Variants in GCSAML observed in about 807,000 individuals in gnomAD.
The protein encoded by GCSAML is germinal center-associated signaling and motility-like protein.
In GCSAML, 9 loss-of-function variants were observed where a neutral mutation model predicts 13.0. That is an observed-to-expected ratio of 0.69 (90% CI 0.42 to 1.21). The LOEUF (loss-of-function observed/expected upper bound fraction) is 1.21, where lower values mean the gene tolerates loss of function less well. Ranked by LOEUF, GCSAML falls within the 50% of genes most tolerant of loss-of-function variation. The probability of loss-of-function intolerance (pLI) is 0.00; values close to 1 mark genes in which losing one functional copy is unlikely to be tolerated. For synonymous variants in GCSAML, 37 were observed against 52.9 expected (o/e 0.70, Z 1.31); for missense variants, 143 against 153.4 (o/e 0.93, Z 0.36).
chr1:247,520,774 G>T (rs1455024449), intron 1 of GCSAML, among the ~76,000 whole-genome samples: 1 of 152,120 alleles, frequency 6.6e-6, no homozygotes, highest in Non-Finnish European at 1.5e-5. Context: ...TTTCAGTTCA[G>T]ATTTCCTCAT....
chr1:247,575,932 G>A lies in GCSAML; in HGVS notation c.*1550G>A, dbSNP rs1002454873. On this transcript the variant is annotated 3_prime_UTR_variant, in exon 5 of 5. Transcript: ENST00000366488. ...GGAGACAAAAGCCTTAATTGACAATGCATTCATTATATATTTTTTTGTATA... is the reference window on the plus strand; with the variant it reads ...GGAGACAAAAGCCTTAATTGACAATACATTCATTATATATTTTTTTGTATA... 5 of 152,062 alleles carry A rather than the reference G, an allele frequency of 3.3e-5. No homozygotes were observed. The highest frequency in any genetic ancestry group is 1.3e-4 in the Admixed American group (2 of 15,260). The allele number at this position is 152,062 out of a possible 1,614,324, so 9.4% of individuals were successfully genotyped here.
At chr1:247,510,641 C>T (rs752072225) in intron 1 of GCSAML, among the ~76,000 whole-genome samples, 3 of 152,178 alleles carry the variant, frequency 2.0e-5, no homozygotes, top group Non-Finnish European at 4.4e-5. Flanking sequence ...GCATTTAGTG[C>T]TATAAATTTC....
chr1:247,544,430 A>G (rs982793433), upstream of GCSAML, among the ~76,000 whole-genome samples: 1 of 152,186 alleles, frequency 6.6e-6, no homozygotes, highest in Non-Finnish European at 1.5e-5. Flanking sequence ...CTCAGCTGTG[A>G]TATATTCAGG....
At chr1:247,555,857 A>T (rs1667929063) in intron 1 of GCSAML, among the ~76,000 whole-genome samples, 1 of 152,248 alleles carries the variant, frequency 6.6e-6, no homozygotes, top group Non-Finnish European at 1.5e-5. Context: ...TATCATAAAG[A>T]TGATGATAAT....
intron 1 of GCSAML, among the ~76,000 whole-genome samples, chr1:247,508,700 G>A (rs563842866): frequency 1.3e-5 from 2 of 152,144 alleles, no homozygotes; most frequent in Non-Finnish European, 2.9e-5. Context: ...AAAGTGTAAG[G>A]AAGGTGTCCA....
intron 2 of GCSAML, among the ~76,000 whole-genome samples, chr1:247,561,191 T>C (rs1458606428): frequency 3.3e-5 from 5 of 152,158 alleles, no homozygotes; most frequent in African/African-American, 4.8e-5. Context: ...TGGGCTCAAG[T>C]GATCCATCTG....
intron 1 of GCSAML, among the ~76,000 whole-genome samples, chr1:247,518,801 C>T (rs1239275565): frequency 6.6e-6 from 1 of 152,174 alleles, no homozygotes; most frequent in African/African-American, 2.4e-5. Flanking sequence ...CCAGCCTGGG[C>T]AATACAGCGA....
intron 1 of GCSAML, among the ~76,000 whole-genome samples, chr1:247,522,065 G>A (rs1352285696): frequency 2.0e-5 from 3 of 150,588 alleles, no homozygotes; most frequent in African/African-American, 7.4e-5. Context: ...GTCTCTGCCC[G>A]ACCGCCCCAT....
chr1:247,544,618 A>G (rs1425392969), upstream of GCSAML, among the ~76,000 whole-genome samples: 1 of 152,182 alleles, frequency 6.6e-6, no homozygotes, highest in African/African-American at 2.4e-5. Context: ...GGATCGCTTG[A>G]GCCCAGGAGT....
intron 1 of GCSAML, among the ~76,000 whole-genome samples, chr1:247,521,969 G>T (rs1666449921): frequency 6.6e-6 from 1 of 151,938 alleles, no homozygotes. Context: ...CGTCTGAGAT[G>T]TGGGGAGCGC....
chr1:247,577,424 T>C lies in GCSAML; in HGVS notation c.*3042T>C, dbSNP rs1361234775. On this transcript the variant is annotated 3_prime_UTR_variant, in exon 5 of 5. Coordinates refer to ENST00000366488, the MANE Select transcript of GCSAML (RefSeq NM_145278.5). Reference sequence around the variant, plus strand: ...GCAACCAATGATCTGCTTCGTATAATTATAACTGTTCTAGATATTTGTAGC... The same window carrying C: ...GCAACCAATGATCTGCTTCGTATAACTATAACTGTTCTAGATATTTGTAGC... 6.6e-6 allele frequency: 1 copy of C among 152,236 alleles called. No individual in the cohort carries two copies. The highest frequency in any genetic ancestry group is 1.5e-5 in the Non-Finnish European group (1 of 68,038). 9.4% of individuals were successfully genotyped at this position (152,236 alleles called of 1,614,324 possible).
intron 1 of GCSAML, among the ~76,000 whole-genome samples, chr1:247,522,624 T>C (rs1022687322): frequency 2.0e-5 from 3 of 152,158 alleles, no homozygotes; most frequent in African/African-American, 7.2e-5. Context: ...CCCAACCCCA[T>C]GCTCTCTGAA....
chr1:247,566,045 AT>A, intron 4 of GCSAML, 86 bp downstream of exon 4: 1 of 839,644 alleles, frequency 1.2e-6, no homozygotes, highest in South Asian at 1.9e-5. Flanking sequence ...CAGATGATTT[AT>A]TCAAGAGTAG....
At chr1:247,573,235 G>C (rs1254431430) in intron 4 of GCSAML, among the ~76,000 whole-genome samples, 2 of 152,190 alleles carry the variant, frequency 1.3e-5, no homozygotes, top group Non-Finnish European at 2.9e-5. Context: ...AACTCCTGCA[G>C]CTAGCTTGGT....
intron 1 of GCSAML, among the ~76,000 whole-genome samples, chr1:247,521,993 C>T (rs1472081243): frequency 6.6e-6 from 1 of 151,922 alleles, no homozygotes; most frequent in Non-Finnish European, 1.5e-5. Context: ...TGCCCCGCTG[C>T]CCCGTCTGGG....
upstream of GCSAML, among the ~76,000 whole-genome samples, chr1:247,547,055 A>G (rs1468448686): frequency 5.3e-5 from 8 of 152,088 alleles, no homozygotes; most frequent in African/African-American, 1.9e-4. Flanking sequence ...CTGAGCCCTG[A>G]TCATGCCATT....
chr1:247,545,592 C>G (rs931681187), upstream of GCSAML, among the ~76,000 whole-genome samples: 1 of 152,106 alleles, frequency 6.6e-6, no homozygotes, highest in Non-Finnish European at 1.5e-5. Context: ...TATGAGAGCC[C>G]TCATCGTGGT....
intron 1 of GCSAML, among the ~76,000 whole-genome samples, chr1:247,508,128 C>G (rs1665893408): frequency 6.6e-6 from 1 of 152,092 alleles, no homozygotes; most frequent in Admixed American, 6.5e-5. Flanking sequence ...TACACTCCCA[C>G]CAACAGTGTA....
chr1:247,546,615 C>T (rs1164293666), upstream of GCSAML, among the ~76,000 whole-genome samples: 1 of 151,754 alleles, frequency 6.6e-6, no homozygotes, highest in Admixed American at 6.6e-5. Flanking sequence ...CCCGCCTCGG[C>T]CTGCCAAAGT....
Sources: allele counts gnomAD v4.1 joint callset (sites outside exome capture counted in the v4.1 genomes callset), GRCh38; gene constraint gnomAD v4.1.1; transcripts MANE v1.5; gene names NCBI Gene and HGNC (gene_info 2026-07-23, HGNC 2026-07-21).